The following IL1RAPL1 variants were observed in gnomAD, a reference collection of about 807,000 sequenced individuals.
IL1RAPL1 encodes the protein interleukin 1 receptor accessory protein like 1.
Under a neutral mutation model 48.4 loss-of-function variants are expected in IL1RAPL1, and 3 were observed. The ratio of observed to expected loss-of-function variants is 0.06; its 90% CI spans 0.03 to 0.16. The LOEUF (loss-of-function observed/expected upper bound fraction) is 0.16, where lower values mean the gene tolerates loss of function less well. Among genes scored for constraint, IL1RAPL1 ranks in the 10% least tolerant of loss-of-function variants. The pLI, the probability that IL1RAPL1 is intolerant of heterozygous loss-of-function variation, is 1.00. For missense variants in IL1RAPL1, 349 were observed against 530.6 expected (o/e 0.66, Z 3.36); for synonymous variants, 185 against 187.7 (o/e 0.99, Z 0.12).
chrX:29,852,267 A>C (rs1281890050), intron 6 of IL1RAPL1, among the ~76,000 whole-genome samples: 3 of 112,492 alleles, frequency 2.7e-5, no homozygotes, highest in African/African-American at 9.7e-5. Context: ...CTTAATGAAT[A>C]AGCTCATTGA....
chrX:29,561,506 A>G (rs1049666184), intron 5 of IL1RAPL1, among the ~76,000 whole-genome samples: 8 of 111,594 alleles, frequency 7.2e-5, no homozygotes, highest in African/African-American at 2.3e-4. Context: ...AGACTATTCA[A>G]CTGAGCCAGT....
intron 6 of IL1RAPL1, among the ~76,000 whole-genome samples, chrX:29,839,184 A>G (rs1205516780): frequency 8.9e-6 from 1 of 112,341 alleles, no homozygotes; most frequent in Non-Finnish European, 1.9e-5. Flanking sequence ...ACATATATGT[A>G]TAAGAAACTA....
At chrX:29,292,394 TA>T (rs1301497353) in intron 3 of IL1RAPL1, among the ~76,000 whole-genome samples, 1 of 111,590 alleles carries the variant, frequency 9.0e-6, no homozygotes, top group Non-Finnish European at 1.9e-5. Context: ...AAATAAAAAC[TA>T]ATAAAGTGTT....
At chrX:29,802,933 G>GTA in intron 6 of IL1RAPL1, among the ~76,000 whole-genome samples, 5 of 46,368 alleles carry the variant, frequency 1.1e-4, no homozygotes, top group African/African-American at 4.5e-4. Context: ...ATACATATAT[G>GTA]TGTACATATG....
chrX:29,218,972 C>T (rs1440743098), intron 2 of IL1RAPL1, among the ~76,000 whole-genome samples: 2 of 112,275 alleles, frequency 1.8e-5, no homozygotes, highest in African/African-American at 3.2e-5. Flanking sequence ...TGAGAAGACA[C>T]GAAATCACTT....
chrX:29,043,367 G>A (rs754163848), intron 2 of IL1RAPL1, among the ~76,000 whole-genome samples: 2 of 110,417 alleles, frequency 1.8e-5, no homozygotes, highest in Non-Finnish European at 3.8e-5. Context: ...TCTTACCAAG[G>A]GTGTGGCCAG....
chrX:29,125,033 A>G (rs1928871500), intron 2 of IL1RAPL1, among the ~76,000 whole-genome samples: 1 of 112,464 alleles, frequency 8.9e-6, no homozygotes, highest in African/African-American at 3.2e-5. Flanking sequence ...AAGACAGGGA[A>G]AGAGGAAGTA....
intron 2 of IL1RAPL1, among the ~76,000 whole-genome samples, chrX:29,024,690 T>C (rs1004775694): frequency 1.8e-5 from 2 of 111,867 alleles, no homozygotes; most frequent in Non-Finnish European, 3.8e-5. Context: ...GGAATAAATA[T>C]CCGATTTAGT....
chrX:28,609,462 T>C (rs764871504), intron 1 of IL1RAPL1, among the ~76,000 whole-genome samples: 3 of 110,749 alleles, frequency 2.7e-5, no homozygotes, highest in South Asian at 3.9e-4. Context: ...GATCCTGTTG[T>C]TCTTTTGTTT....
intron 1 of IL1RAPL1, among the ~76,000 whole-genome samples, chrX:28,681,935 A>G (rs1279376681): frequency 3.6e-5 from 4 of 111,978 alleles, no homozygotes; most frequent in Non-Finnish European, 5.6e-5. Context: ...CCCCACATGT[A>G]TTAAATGAGT....
chrX:28,749,666 A>C (rs773951460), intron 1 of IL1RAPL1, among the ~76,000 whole-genome samples: 1 of 111,751 alleles, frequency 8.9e-6, no homozygotes, highest in East Asian at 2.8e-4. Context: ...CTTGCCAGAT[A>C]TATAGTTTGC....
chrX:29,406,383 T>C (rs868457304), intron 5 of IL1RAPL1, among the ~76,000 whole-genome samples: 9 of 86,404 alleles, frequency 1.0e-4, no homozygotes, highest in Middle Eastern at 7.4e-3. Flanking sequence ...AGCGAGACTC[T>C]GTCTCAAAAA....
rs1928415694 is a variant in IL1RAPL1 at position 29,749,733 on chromosome X, C to T, written c.778+81229C>T. 6.2e-5 allele frequency among the ~76,000 whole-genome samples: 7 copies of T among 112,025 alleles called. No homozygotes were observed. The Admixed American group carries it at 6.7e-4, about 11-fold the overall frequency. On this transcript the variant is annotated intron_variant, in intron 6 of 10. Transcript: ENST00000378993. ...ATTCAATACAATGTTTAGGAAGTGT[C>T]GTGTTTAACAGAAAACATCATGTGC...
At chrX:29,906,467 AT>A (rs1932625896) in intron 6 of IL1RAPL1, among the ~76,000 whole-genome samples, 1 of 740 alleles carries the variant, frequency 1.4e-3, no homozygotes, top group East Asian at 0.015. Flanking sequence ...GTAAATATAT[AT>A]ATATATATAT....
At chrX:29,531,902 G>A (rs1443240646) in intron 5 of IL1RAPL1, among the ~76,000 whole-genome samples, 2 of 111,871 alleles carry the variant, frequency 1.8e-5, no homozygotes, top group African/African-American at 6.5e-5. Flanking sequence ...CAGTCTTATT[G>A]GATTAGGGGC....
At chrX:28,882,254 C>T (rs191672375) in intron 2 of IL1RAPL1, among the ~76,000 whole-genome samples, 125 of 111,124 alleles carry the variant, frequency 1.1e-3, no homozygotes, top group African/African-American at 3.8e-3. Flanking sequence ...TAGCAGAAAC[C>T]TTGCAGACCG....
At chrX:29,804,987 T>G (rs758364265) in intron 6 of IL1RAPL1, among the ~76,000 whole-genome samples, 3 of 112,408 alleles carry the variant, frequency 2.7e-5, no homozygotes, top group Non-Finnish European at 5.6e-5. Context: ...TACACATTAA[T>G]CATGATGAAA....
intron 1 of IL1RAPL1, among the ~76,000 whole-genome samples, chrX:28,735,486 C>A (rs781715962): frequency 1.4e-4 from 15 of 111,000 alleles, no homozygotes; most frequent in Admixed American, 5.8e-4. Context: ...TCCTCAGAAT[C>A]TTAGTGGTAA....
intron 6 of IL1RAPL1, among the ~76,000 whole-genome samples, chrX:29,903,415 A>G (rs920428122): frequency 3.6e-5 from 4 of 111,674 alleles, no homozygotes; most frequent in African/African-American, 9.8e-5. Context: ...AAATCCCCCT[A>G]CTATTCAACA....
Sources: gnomAD v4.1 joint callset for allele counts (sites outside exome capture counted in the v4.1 genomes callset) on GRCh38, gnomAD v4.1.1 for gene constraint, MANE v1.5 for transcripts, NCBI Gene and HGNC (gene_info 2026-07-23, HGNC 2026-07-21) for gene names.